NPHS2: variants seen among roughly 807,000 people sequenced by gnomAD.
NPHS2 encodes podocin.
Under a neutral mutation model 37.1 loss-of-function variants are expected in NPHS2, and 36 were observed. That is an observed-to-expected ratio of 0.97 (90% CI 0.74 to 1.28). The LOEUF is 1.28. Ranked by LOEUF, NPHS2 falls within the 50% of genes most tolerant of loss-of-function variation. NPHS2 has a pLI of 0.00. For missense variants in NPHS2, 447 were observed against 488.1 expected, an observed-to-expected ratio of 0.92 and a Z score of 0.79; for synonymous variants, 196 against 189.3, an observed-to-expected ratio of 1.04 and a Z score of -0.29.
chr1:179,563,136 C>A (rs375562715), intron 2 of NPHS2, among the ~76,000 whole-genome samples: 2 of 152,088 alleles, frequency 1.3e-5, no homozygotes, highest in Non-Finnish European at 2.9e-5. Flanking sequence ...AAAAGATATA[C>A]CATATGAACA....
chr1:179,554,592 A>C, intron 5 of NPHS2, 61 bp from the exon 6 acceptor site: 1 of 1,608,642 alleles, frequency 6.2e-7, no homozygotes, highest in Non-Finnish European at 8.5e-7. Context: ...AGCATGCCTA[A>C]ACCCTGGTGG....
chr1:179,551,224 G>A lies in NPHS2; in HGVS notation c.1101C>T (p.Ser367=), dbSNP rs1047482253. Reference sequence around the variant, plus strand: ...TAGGATTTAGTGGCTCAACAGGTTTGGAAGGACTTGGGAAGGGGAGGCTTC... The same window carrying A: ...TAGGATTTAGTGGCTCAACAGGTTTAGAAGGACTTGGGAAGGGGAGGCTTC... ...TQGSLPFPSP[S]KPVEPLNPKK... The change falls in exon 8 of 8, where the codon TCC becomes TCT. Residue 367 remains serine (S), a synonymous_variant. Transcript: ENST00000367615. The A allele has an allele frequency of 6.2e-7, 1 of 1,614,134 alleles. No individual in the cohort carries two copies. The highest frequency in any genetic ancestry group is 1.6e-4 in the Middle Eastern group (1 of 6,062).
Position 179,552,601 on chromosome 1 carries a change from A to T in NPHS2, c.873+2T>A, listed in dbSNP as rs967339926. 3 of 1,612,294 alleles carry T rather than the reference A, an allele frequency of 1.9e-6. No individual in the cohort carries two copies. Among genetic ancestry groups the T allele is most frequent in the Non-Finnish European group, 2.5e-6 (3 of 1,178,816 alleles). The stretch of plus-strand genomic sequence containing the variant: ...GTCTGGGTGGGAGGATGGAGTGCTC[A>T]CCCGCACTTTGGCTTGTCTTTGCGC... On this transcript the variant is annotated splice_donor_variant, in intron 7 of 7. Transcript: ENST00000367615. LOFTEE classifies it high-confidence loss of function.
chr1:179,557,044 T>A lies in NPHS2; in HGVS notation c.721A>T (p.Ile241Phe), dbSNP rs147672543. The A allele has an allele frequency of 6.2e-7, 1 of 1,613,708 alleles. No homozygotes were observed. Among genetic ancestry groups the A allele is most frequent in the Non-Finnish European group, 8.5e-7 (1 of 1,179,856 alleles). The change falls in exon 5 of 8, where the codon ATC becomes TTC. Residue 241 changes from isoleucine to phenylalanine, a missense_variant. By Grantham distance (21) the Ile-to-Phe change is conservative. Coordinates refer to ENST00000367615, the MANE Select transcript of NPHS2 (RefSeq NM_014625.4). ...CTAAGTACCTTTGCATCTTGGGCGA[T>A]GCTCTTCCTCTCTAGAAGAATTTCA... is the stretch of plus-strand genomic sequence containing the variant. ...LTEILLERKS[I>F]AQDAKVALDS...
intron 7 of NPHS2, chr1:179,551,802 A>G: frequency 3.5e-6 from 1 of 289,272 alleles, no homozygotes; most frequent in East Asian, 8.3e-5. Context: ...GTGACCCCCA[A>G]CTCAGGGAAA....
chr1:179,562,444 T>C (rs1674182856), intron 2 of NPHS2, among the ~76,000 whole-genome samples: 1 of 152,226 alleles, frequency 6.6e-6, no homozygotes, highest in South Asian at 2.1e-4. Flanking sequence ...ATTGTAAGTA[T>C]TCAATAAATA....
intron 1 of NPHS2, among the ~76,000 whole-genome samples, chr1:179,572,823 T>C (rs1674614666): frequency 6.6e-6 from 1 of 151,168 alleles, no homozygotes; most frequent in Admixed American, 6.6e-5. Context: ...TTCTTTCTTT[T>C]CTTTCATCTT....
Position 179,564,691 on chromosome 1 carries a change from T to C in NPHS2, c.377A>G (p.Lys126Arg), listed in dbSNP as rs763518580. The C allele has an allele frequency of 6.2e-7, 1 of 1,613,694 alleles. No individual in the cohort carries two copies. The highest frequency in any genetic ancestry group is 8.5e-7 in the Non-Finnish European group (1 of 1,179,714). The stretch of plus-strand genomic sequence containing the variant: ...TATTGGGTCCTTATGGAATCTCACC[T>C]TTACGCAGAACCAGATGGAAAAAGG... ...TFPFSIWFCV[K>R]VVQEYERVII... Residue 126 changes from lysine to arginine, a missense_variant and splice_region_variant, in exon 2 of 8, where the codon AAG becomes AGG. By Grantham distance (26) the Lys-to-Arg change is conservative. Coordinates refer to ENST00000367615, the MANE Select transcript of NPHS2 (RefSeq NM_014625.4).
chr1:179,550,682 A>G lies in NPHS2; in HGVS notation c.*491T>C, dbSNP rs1224067166. 1.1e-5 allele frequency: 2 copies of G among 184,664 alleles called. No homozygotes were observed. The highest frequency in any genetic ancestry group is 2.3e-5 in the Non-Finnish European group (2 of 86,844). The allele number at this position is 184,664 out of a possible 1,614,324, so 11.4% of individuals were successfully genotyped here. Reference sequence around the variant, plus strand: ...GTGAGGAATTCAGGGTGGAGCAAAAAGATTGAGTGTGGTTGAGGAAAACTA... The same window carrying G: ...GTGAGGAATTCAGGGTGGAGCAAAAGGATTGAGTGTGGTTGAGGAAAACTA... On this transcript the variant is annotated 3_prime_UTR_variant, in exon 8 of 8. Coordinates refer to ENST00000367615, the MANE Select transcript of NPHS2 (RefSeq NM_014625.4).
At chr1:179,575,462 C>A (rs1674720977) in intron 1 of NPHS2, 129 bp downstream of exon 1, 2 of 1,310,820 alleles carry the variant, frequency 1.5e-6, no homozygotes, top group African/African-American at 1.4e-5. Context: ...CCTTCCGTTC[C>A]TGGGAACCTG....
intron 1 of NPHS2, among the ~76,000 whole-genome samples, chr1:179,566,494 T>C (rs971948913): frequency 4.8e-4 from 73 of 152,346 alleles, no homozygotes; most frequent in African/African-American, 1.8e-3. Context: ...ATTGCAAAAA[T>C]CTTCTCCCAT....
At position 179,569,277 on chromosome 1, in the gene NPHS2, G is replaced by A. The variant is rs185151867; in HGVS notation, c.275-4484C>T. On this transcript the variant is annotated intron_variant, in intron 1 of 7. Coordinates refer to ENST00000367615, the MANE Select transcript of NPHS2 (RefSeq NM_014625.4). Reference sequence around the variant, plus strand: ...ATATTTAGGATAGTTAGCTCTTCTTGTTGAATTGATCCCTTTACCATTATG... The same window carrying A: ...ATATTTAGGATAGTTAGCTCTTCTTATTGAATTGATCCCTTTACCATTATG... Among the ~76,000 whole-genome samples the A allele has an allele frequency of 4.6e-5, 7 of 151,710 alleles. No homozygotes were observed. In the East Asian group the frequency reaches 1.4e-3, roughly 30 times the overall value.
In NPHS2 at chr1:179,557,000, T is replaced by C; in HGVS notation, c.738+27A>G. 3.3e-6 allele frequency: 5 copies of C among 1,537,034 alleles called. No homozygotes were observed. Among genetic ancestry groups the C allele is most frequent in the Non-Finnish European group, 4.5e-6 (5 of 1,113,336 alleles). ...TGAATAAAAGATAAATATTTCAGCA[T>C]ATTGGCCATTATGTTTATCTAAGTA... On this transcript the variant is annotated intron_variant, in intron 5 of 7. Transcript: ENST00000367615. This position sits in a 1 kb window ranked among gnomAD's most constrained non-coding sequence, Gnocchi z 4.1.
intron 1 of NPHS2, among the ~76,000 whole-genome samples, chr1:179,570,770 CTT>C (rs1313732390): frequency 2.6e-5 from 4 of 152,200 alleles, no homozygotes; most frequent in African/African-American, 9.6e-5. Flanking sequence ...TCTTTTTACT[CTT>C]TTTTCTCTAA....
chr1:179,564,029 T>C (rs1404623602), intron 2 of NPHS2, among the ~76,000 whole-genome samples: 1 of 152,238 alleles, frequency 6.6e-6, no homozygotes, highest in African/African-American at 2.4e-5. Context: ...AGTTCCCTTT[T>C]GGGCTGGCCA....
At chr1:179,572,169 G>T (rs1674590854) in intron 1 of NPHS2, among the ~76,000 whole-genome samples, 1 of 152,106 alleles carries the variant, frequency 6.6e-6, no homozygotes, top group South Asian at 2.1e-4. Flanking sequence ...GGGCGCTGTA[G>T]ACCGGAGCTG....
At chr1:179,570,172 G>A (rs764146313) in intron 1 of NPHS2, among the ~76,000 whole-genome samples, 15 of 152,080 alleles carry the variant, frequency 9.9e-5, no homozygotes, top group Non-Finnish European at 1.8e-4. Context: ...ATCACTTTCA[G>A]GTACACAAAT....
intron 1 of NPHS2, among the ~76,000 whole-genome samples, chr1:179,568,208 T>C (rs1241151192): frequency 1.3e-5 from 2 of 152,174 alleles, no homozygotes; most frequent in African/African-American, 4.8e-5. Flanking sequence ...TGGTAGGCTA[T>C]TATTTATTGC....
chr1:179,566,142 C>G (rs1674326404), intron 1 of NPHS2, among the ~76,000 whole-genome samples: 1 of 152,264 alleles, frequency 6.6e-6, no homozygotes, highest in Non-Finnish European at 1.5e-5. Flanking sequence ...GGAATTGCCA[C>G]ACTGTCTTCC....
Sources: gnomAD v4.1 joint callset for allele counts (sites outside exome capture counted in the v4.1 genomes callset) on GRCh38, gnomAD v4.1.1 for gene constraint, Gnocchi (gnomAD v3.1) non-coding constraint, MANE v1.5 for transcripts, NCBI Gene and HGNC (gene_info 2026-07-23, HGNC 2026-07-21) for gene names.